Variants in TMTC2 observed in about 807,000 individuals in gnomAD.
TMTC2 encodes the protein transmembrane O-mannosyltransferase targeting cadherins 2.
Under a neutral mutation model 82.4 loss-of-function variants are expected in TMTC2, and 43 were observed. That is an observed-to-expected ratio of 0.52 (90% confidence interval 0.41 to 0.67). TMTC2 has a LOEUF of 0.67. Ranked by LOEUF, TMTC2 falls within the 30% of genes least tolerant of loss-of-function variation. The pLI is 0.00. For missense variants in TMTC2, 919 were observed against 1,012.4 expected, an observed-to-expected ratio of 0.91 and a Z score of 1.25; for synonymous variants, 408 against 381.9, an observed-to-expected ratio of 1.07 and a Z score of -0.80.
At chr12:83,069,125 T>C (rs1440320307) in intron 11 of TMTC2, among the ~76,000 whole-genome samples, 2 of 152,194 alleles carry the variant, frequency 1.3e-5, no homozygotes, top group African/African-American at 4.8e-5. Context: ...GCATTTGGGT[T>C]GGGTCCAAAA....
chr12:82,844,104 T>G (rs1870497501), intron 1 of TMTC2, among the ~76,000 whole-genome samples: 1 of 152,200 alleles, frequency 6.6e-6, no homozygotes, highest in Non-Finnish European at 1.5e-5. Context: ...CCTTTAAAAC[T>G]TTTTCCCCTT....
At chr12:83,022,974 G>A (rs529526443) in intron 8 of TMTC2, among the ~76,000 whole-genome samples, 11 of 152,226 alleles carry the variant, frequency 7.2e-5, no homozygotes, top group Admixed American at 2.0e-4. Flanking sequence ...CATTGAGTTC[G>A]TATGAACAAT....
chr12:83,120,953 C>G (rs547741132), intron 11 of TMTC2, among the ~76,000 whole-genome samples: 38 of 152,292 alleles, frequency 2.5e-4, no homozygotes, highest in South Asian at 1.0e-3. Context: ...ATTGCTGAGA[C>G]TTTCCAGAGC....
At chr12:82,915,543 G>A (rs930860323) in intron 3 of TMTC2, among the ~76,000 whole-genome samples, 30 of 152,282 alleles carry the variant, frequency 2.0e-4, no homozygotes, top group African/African-American at 7.2e-4. Flanking sequence ...GGGCCATTAG[G>A]TGGCAGGAAC....
chr12:82,846,607 C>G (rs891752848), intron 1 of TMTC2, among the ~76,000 whole-genome samples: 1 of 151,886 alleles, frequency 6.6e-6, no homozygotes, highest in Non-Finnish European at 1.5e-5. Context: ...TATTGCTTAT[C>G]GGAAAAACTC....
chr12:82,820,568 T>C (rs1336151366), intron 1 of TMTC2, among the ~76,000 whole-genome samples: 1 of 152,054 alleles, frequency 6.6e-6, no homozygotes, highest in African/African-American at 2.4e-5. Flanking sequence ...GGAGACAGGG[T>C]TTTACCATAT....
intron 11 of TMTC2, among the ~76,000 whole-genome samples, chr12:83,064,150 G>C (rs1344492054): frequency 6.6e-6 from 1 of 151,680 alleles, no homozygotes; most frequent in African/African-American, 2.4e-5. Flanking sequence ...TGGTCAAGTG[G>C]TTGGTCAAAT....
At chr12:82,967,307 G>A in intron 7 of TMTC2, among the ~76,000 whole-genome samples, 1 of 151,890 alleles carries the variant, frequency 6.6e-6, no homozygotes, top group East Asian at 1.9e-4. Flanking sequence ...CTATATATAT[G>A]TAATTTTTCA....
chr12:82,998,972 A>G (rs917922451), intron 8 of TMTC2, among the ~76,000 whole-genome samples: 1 of 152,186 alleles, frequency 6.6e-6, no homozygotes, highest in African/African-American at 2.4e-5. Context: ...TCCCACACTC[A>G]GTTTCCCCTA....
At chr12:82,904,246 G>C (rs1295858542) in intron 3 of TMTC2, among the ~76,000 whole-genome samples, 2 of 152,080 alleles carry the variant, frequency 1.3e-5, no homozygotes, top group Non-Finnish European at 2.9e-5. Flanking sequence ...ATGGAGTTAG[G>C]ATTTTTTTTC....
At chr12:82,734,174 C>G (rs1175127990) in intron 1 of TMTC2, among the ~76,000 whole-genome samples, 1 of 152,104 alleles carries the variant, frequency 6.6e-6, no homozygotes, top group Non-Finnish European at 1.5e-5. Flanking sequence ...TGAGGTTATA[C>G]GTAGGTTGAT....
chr12:82,853,021 T>C (rs1399106934), intron 1 of TMTC2, among the ~76,000 whole-genome samples: 3 of 152,248 alleles, frequency 2.0e-5, no homozygotes, highest in Non-Finnish European at 4.4e-5. Context: ...ATGGATGAGA[T>C]ACTCTTTTGC....
chr12:83,054,005 C>T (rs568710047), intron 10 of TMTC2, among the ~76,000 whole-genome samples: 1 of 152,192 alleles, frequency 6.6e-6, no homozygotes, highest in East Asian at 1.9e-4. Flanking sequence ...TGAAGTCCTG[C>T]ATGCCTCTTA....
intron 1 of TMTC2, among the ~76,000 whole-genome samples, chr12:82,779,507 C>A (rs1288755701): frequency 6.6e-6 from 1 of 152,092 alleles, no homozygotes; most frequent in African/African-American, 2.4e-5. Context: ...ATTCTATGAT[C>A]AACAAGTATA....
At chr12:82,716,228 C>G (rs1873888924) in intron 1 of TMTC2, among the ~76,000 whole-genome samples, 1 of 152,148 alleles carries the variant, frequency 6.6e-6, no homozygotes, top group Non-Finnish European at 1.5e-5. Context: ...CTTTTTATTT[C>G]TAGACATCTA....
At chr12:83,001,157 G>C (rs1017015756) in intron 8 of TMTC2, among the ~76,000 whole-genome samples, 1 of 152,068 alleles carries the variant, frequency 6.6e-6, no homozygotes, top group Admixed American at 6.6e-5. Context: ...ATTAACATTC[G>C]GCTCCTCGTT....
intron 11 of TMTC2, among the ~76,000 whole-genome samples, chr12:83,126,737 C>A (rs1478494337): frequency 6.6e-6 from 1 of 151,854 alleles, no homozygotes; most frequent in Non-Finnish European, 1.5e-5. Context: ...AACCATTAAG[C>A]ATGCCCATGA....
At chr12:82,977,021 T>A (rs1878704814) in intron 7 of TMTC2, among the ~76,000 whole-genome samples, 1 of 152,050 alleles carries the variant, frequency 6.6e-6, no homozygotes, top group Non-Finnish European at 1.5e-5. Context: ...AAAGATTGTG[T>A]GTCTGCTTCC....
chr12:83,059,854 G>A (rs1592721763), intron 10 of TMTC2, among the ~76,000 whole-genome samples: 1 of 151,654 alleles, frequency 6.6e-6, no homozygotes, highest in Non-Finnish European at 1.5e-5. Flanking sequence ...TCCATGTTGG[G>A]CATCTATCTA....
Sources: gnomAD v4.1 joint callset for allele counts (sites outside exome capture counted in the v4.1 genomes callset) on GRCh38, gnomAD v4.1.1 for gene constraint, MANE v1.5 for transcripts, NCBI Gene and HGNC (gene_info 2026-07-23, HGNC 2026-07-21) for gene names.